The following ELMO1 variants were observed in gnomAD, a reference collection of about 807,000 sequenced individuals.
ELMO1 encodes engulfment and cell motility protein 1.
A neutral mutation model predicts 98.9 loss-of-function variants in ELMO1; 26 were observed. The ratio of observed to expected loss-of-function variants is 0.26; its 90% confidence interval spans 0.19 to 0.36. The LOEUF is 0.36. Ranked by LOEUF, ELMO1 falls within the 10% of genes least tolerant of loss-of-function variation. The pLI, the probability that ELMO1 is intolerant of heterozygous loss-of-function variation, is 1.00. For missense variants in ELMO1, 627 were observed against 935.2 expected (o/e 0.67, Z 4.30); for synonymous variants, 346 against 346.0 (o/e 1.00, Z 0.00).
chr7:37,066,746 T>C (rs1468152197), intron 15 of ELMO1, among the ~76,000 whole-genome samples: 1 of 152,196 alleles, frequency 6.6e-6, no homozygotes, highest in Non-Finnish European at 1.5e-5. Context: ...GTGTTCCCCA[T>C]GAATATGTAC....
intron 1 of ELMO1, among the ~76,000 whole-genome samples, chr7:37,384,588 T>C (rs1047995727): frequency 1.3e-5 from 2 of 151,784 alleles, no homozygotes; most frequent in South Asian, 2.1e-4. Context: ...GGCGCGGTGG[T>C]GGGCGCCTGT....
intron 1 of ELMO1, among the ~76,000 whole-genome samples, chr7:37,382,024 C>T (rs1802603252): frequency 1.3e-5 from 2 of 152,172 alleles, no homozygotes; most frequent in South Asian, 4.1e-4. Flanking sequence ...ATACTTCCTA[C>T]TGGTCCATTT....
At chr7:37,068,554 C>T (rs1178043610) in intron 15 of ELMO1, among the ~76,000 whole-genome samples, 1 of 152,116 alleles carries the variant, frequency 6.6e-6, no homozygotes, top group Non-Finnish European at 1.5e-5. Context: ...CTCAGTAAAA[C>T]ACAAATAAGA....
chr7:37,341,014 C>G (rs988635931), intron 2 of ELMO1, among the ~76,000 whole-genome samples: 10 of 152,218 alleles, frequency 6.6e-5, no homozygotes, highest in African/African-American at 2.4e-4. Context: ...CACCAGGTAT[C>G]CAGCTCAGCA....
intron 1 of ELMO1, among the ~76,000 whole-genome samples, chr7:37,379,569 T>C (rs1165541381): frequency 6.6e-6 from 1 of 152,238 alleles, no homozygotes. Context: ...ATTGTTTTTC[T>C]TCATAGAACT....
chr7:37,167,307 G>C (rs1230535918), intron 13 of ELMO1, among the ~76,000 whole-genome samples: 1 of 152,110 alleles, frequency 6.6e-6, no homozygotes, highest in African/African-American at 2.4e-5. Flanking sequence ...GCCAATCTGT[G>C]TCATTTAATT....
chr7:36,898,905 G>A (rs1021683059), intron 16 of ELMO1, among the ~76,000 whole-genome samples: 1 of 152,190 alleles, frequency 6.6e-6, no homozygotes, highest in African/African-American at 2.4e-5. Flanking sequence ...GGGGAGCAAG[G>A]GGTCAGGTGT....
chr7:37,421,420 G>A (rs1246838996), intron 1 of ELMO1, among the ~76,000 whole-genome samples: 3 of 152,176 alleles, frequency 2.0e-5, no homozygotes, highest in South Asian at 2.1e-4. Context: ...GCACCCTTCC[G>A]AAATACATTC....
intron 13 of ELMO1, among the ~76,000 whole-genome samples, chr7:37,149,354 C>G (rs1489709335): frequency 6.6e-6 from 1 of 152,214 alleles, no homozygotes; most frequent in African/African-American, 2.4e-5. Context: ...TAGGAGCCAA[C>G]ACATACATAG....
intron 16 of ELMO1, among the ~76,000 whole-genome samples, chr7:36,897,800 A>C (rs1806161527): frequency 6.6e-6 from 1 of 152,228 alleles, no homozygotes; most frequent in Non-Finnish European, 1.5e-5. Flanking sequence ...AGAATACATA[A>C]GTAGAGCAAT....
chr7:37,373,241 T>C (rs1464201207), intron 1 of ELMO1, among the ~76,000 whole-genome samples: 1 of 152,122 alleles, frequency 6.6e-6, no homozygotes, highest in Non-Finnish European at 1.5e-5. Flanking sequence ...GCAAAAGCGG[T>C]AGTTTAATCA....
chr7:37,151,567 C>CA (rs1788363065), intron 13 of ELMO1, among the ~76,000 whole-genome samples: 1 of 152,048 alleles, frequency 6.6e-6, no homozygotes, highest in South Asian at 2.1e-4. Context: ...TTTTGACGTA[C>CA]AAAAATGTAA....
intron 15 of ELMO1, among the ~76,000 whole-genome samples, chr7:37,020,113 G>A (rs1411771486): frequency 6.6e-6 from 1 of 152,166 alleles, no homozygotes; most frequent in African/African-American, 2.4e-5. Context: ...TGGGTCTAGA[G>A]CTGACCATAA....
chr7:36,958,690 G>A (rs543252826), intron 16 of ELMO1, among the ~76,000 whole-genome samples: 21 of 152,074 alleles, frequency 1.4e-4, no homozygotes, highest in Admixed American at 6.5e-4. Flanking sequence ...ATTTCTTCTC[G>A]TGGCACTACA....
chr7:37,025,477 A>AT, intron 15 of ELMO1, among the ~76,000 whole-genome samples: 1 of 152,310 alleles, frequency 6.6e-6, no homozygotes, highest in African/African-American at 2.4e-5. Context: ...TAACATCTGA[A>AT]TAAGTGGACT....
intron 14 of ELMO1, among the ~76,000 whole-genome samples, chr7:37,127,692 C>T (rs17170893): frequency 0.032 from 4,916 of 152,176 alleles, 220 homozygotes; most frequent in African/African-American, 0.1. Flanking sequence ...CTGAGATCAC[C>T]CTATCTGCTA....
chr7:37,311,392 A>G (rs7778473), intron 4 of ELMO1, among the ~76,000 whole-genome samples: 5,233 of 152,060 alleles, frequency 0.034, 299 homozygotes, highest in African/African-American at 0.12. Context: ...AGACAGAGAC[A>G]GTCTCATATA....
intron 7 of ELMO1, among the ~76,000 whole-genome samples, chr7:37,238,574 A>C (rs1308882742): frequency 6.6e-6 from 1 of 152,208 alleles, no homozygotes; most frequent in African/African-American, 2.4e-5. Context: ...AATAGCTAAG[A>C]AATCCTATAC....
intron 2 of ELMO1, among the ~76,000 whole-genome samples, chr7:37,333,126 C>T (rs1800222896): frequency 6.6e-6 from 1 of 152,168 alleles, no homozygotes; most frequent in South Asian, 2.1e-4. Flanking sequence ...ATTTTATTTG[C>T]TAGAGGCTGC....
Sources: allele counts gnomAD v4.1 joint callset (sites outside exome capture counted in the v4.1 genomes callset), GRCh38; gene constraint gnomAD v4.1.1; transcripts MANE v1.5; gene names NCBI Gene and HGNC (gene_info 2026-07-23, HGNC 2026-07-21).